Variants in PTPN14 observed in about 807,000 individuals in gnomAD.
PTPN14 encodes the protein tyrosine-protein phosphatase non-receptor type 14.
A neutral mutation model predicts 126.8 loss-of-function variants in PTPN14; 53 were observed. The observed-to-expected ratio is 0.42, with a 90% CI of 0.34 to 0.53. The LOEUF is 0.53. PTPN14 is among the 20% of genes least tolerant of loss of function. PTPN14 has a pLI of 0.08. For synonymous variants in PTPN14, 630 were observed against 599.3 expected (o/e 1.05, Z -0.75); for missense variants, 1,257 against 1,552.9 (o/e 0.81, Z 3.20).
intron 3 of PTPN14, among the ~76,000 whole-genome samples, chr1:214,440,176 G>A (rs1259389862): frequency 6.6e-6 from 1 of 152,184 alleles, no homozygotes; most frequent in Non-Finnish European, 1.5e-5. Flanking sequence ...ACAGCTGTGT[G>A]ACTATGGGCA....
chr1:214,450,281 G>A lies in PTPN14; in HGVS notation c.344+1524C>T, dbSNP rs373207083. On this transcript the variant is annotated intron_variant, in intron 3 of 18. Coordinates refer to ENST00000366956, the MANE Select transcript of PTPN14 (RefSeq NM_005401.5). ...GAGGTCAGGAGTTCGAGACCAGCCT[G>A]GCCAACATGGTGAAACCCCGTCTCT... Among the ~76,000 whole-genome samples the A allele has an allele frequency of 7.1e-4, 108 of 151,904 alleles. 3 individuals carry two copies. In the East Asian group the frequency reaches 0.02, roughly 28 times the overall value.
intron 3 of PTPN14, among the ~76,000 whole-genome samples, chr1:214,424,070 A>C (rs887716059): frequency 1.3e-5 from 2 of 151,684 alleles, no homozygotes; most frequent in African/African-American, 4.8e-5. Flanking sequence ...GCCTGAGGCA[A>C]GTGGATCACA....
intron 1 of PTPN14, among the ~76,000 whole-genome samples, chr1:214,508,591 C>A (rs1654897274): frequency 6.6e-6 from 1 of 152,174 alleles, no homozygotes; most frequent in Non-Finnish European, 1.5e-5. Context: ...TCAATGTCTT[C>A]CAAACTCCTG....
At chr1:214,405,212 C>T (rs546269786) in intron 5 of PTPN14, among the ~76,000 whole-genome samples, 1 of 152,282 alleles carries the variant, frequency 6.6e-6, no homozygotes, top group African/African-American at 2.4e-5. Context: ...ATAGGGCTCT[C>T]CTCTCTCCCC....
rs1308653307 is a variant in PTPN14, at chr1:214,414,655, A to C, written c.416T>G (p.Ile139Ser). The change falls in exon 4 of 19, where the codon ATT (isoleucine) becomes AGT (serine). Residue 139 changes from isoleucine to serine, a missense_variant. This residue lies in a region of PTPN14 where 1,021 missense variants were observed against 1,183.3 expected (regional missense o/e 0.86). Coordinates refer to ENST00000366956, the MANE Select transcript of PTPN14 (RefSeq NM_005401.5). ...GRLRCTLDQV[I>S]RLAGLAVQAD... ...TTGCACAGCTAGGCCGGCTAGCCGA[A>C]TCACCTGGTCCAATGTACATCGTAA... 1 of 1,614,088 alleles carries C rather than the reference A, an allele frequency of 6.2e-7. No homozygotes were observed. Among genetic ancestry groups the C allele is most frequent in the Non-Finnish European group, 8.5e-7 (1 of 1,179,926 alleles).
chr1:214,509,138 C>T (rs1392707378), intron 1 of PTPN14, among the ~76,000 whole-genome samples: 1 of 152,194 alleles, frequency 6.6e-6, no homozygotes, highest in Non-Finnish European at 1.5e-5. Context: ...GAAAGTCAGC[C>T]TGTCCCTTGA....
chr1:214,527,387 G>A (rs1416938074), intron 1 of PTPN14, among the ~76,000 whole-genome samples: 1 of 152,098 alleles, frequency 6.6e-6, no homozygotes, highest in Non-Finnish European at 1.5e-5. Context: ...TTCTCAAGGG[G>A]ACTCAGCTCA....
chr1:214,353,084 T>TC lies in PTPN14; in HGVS notation c.*4837dup, dbSNP rs1257765803. ...ACACATCCTAGAATGCCCTGTACCCTCCATCCCCCCAACCCCCGCACCTCA... is the reference window on the plus strand; with the variant it reads ...ACACATCCTAGAATGCCCTGTACCCTCCCATCCCCCCAACCCCCGCACCTCA... On this transcript the variant is annotated 3_prime_UTR_variant, in exon 19 of 19. Coordinates refer to ENST00000366956, the MANE Select transcript of PTPN14 (RefSeq NM_005401.5). The TC allele has an allele frequency of 6.6e-5, 10 of 152,046 alleles. No homozygotes were observed. Among genetic ancestry groups the TC allele is most frequent in the Non-Finnish European group, 1.5e-4 (10 of 67,994 alleles). 9.4% of individuals were successfully genotyped at this position (152,046 alleles called of 1,614,324 possible).
intron 3 of PTPN14, among the ~76,000 whole-genome samples, chr1:214,446,458 C>A (rs1660144170): frequency 6.6e-6 from 1 of 152,150 alleles, no homozygotes; most frequent in African/African-American, 2.4e-5. Context: ...AGATGAGACA[C>A]AGTATGTCAA....
intron 1 of PTPN14, among the ~76,000 whole-genome samples, chr1:214,546,759 T>C (rs1435999745): frequency 3.3e-5 from 5 of 152,256 alleles, no homozygotes; most frequent in South Asian, 2.1e-4. Context: ...GTCAAACTAA[T>C]TGACGAGGCT....
At chr1:214,456,451 T>C (rs115906043) in intron 2 of PTPN14, among the ~76,000 whole-genome samples, 61 of 152,356 alleles carry the variant, frequency 4.0e-4, no homozygotes, top group Non-Finnish European at 7.8e-4. Context: ...AATAAGCCAC[T>C]GTACATCAGT....
rs1015974878 is a variant in PTPN14, at chr1:214,438,378, G to A, written c.344+13427C>T. 1.1e-4 allele frequency among the ~76,000 whole-genome samples: 17 copies of A among 152,124 alleles called. 1 individual carries two copies. The highest frequency in any genetic ancestry group is 3.1e-4 in the African/African-American group (13 of 41,418). On this transcript the variant is annotated intron_variant, in intron 3 of 18. Transcript: ENST00000366956. ...CTGCAGCAGATCTGCTCCCTCATAT[G>A]GGACTGGAATGAGGGTGGGGAACCT...
chr1:214,458,772 A>C (rs1437423728), intron 2 of PTPN14, among the ~76,000 whole-genome samples: 2 of 152,132 alleles, frequency 1.3e-5, no homozygotes, highest in African/African-American at 4.8e-5. Context: ...CCATTGTTTT[A>C]GCTCTTTTTC....
chr1:214,468,284 G>A (rs1047081581), intron 1 of PTPN14, among the ~76,000 whole-genome samples: 2 of 152,020 alleles, frequency 1.3e-5, no homozygotes, highest in South Asian at 2.1e-4. Flanking sequence ...GGCTGGGTGC[G>A]GTGGCTCACG....
intron 15 of PTPN14, among the ~76,000 whole-genome samples, chr1:214,375,169 T>C (rs554830304): frequency 2.6e-5 from 4 of 152,178 alleles, no homozygotes; most frequent in Non-Finnish European, 5.9e-5. Flanking sequence ...TTAATAAAAA[T>C]AGTATATACC....
chr1:214,423,093 G>A (rs1460270684), intron 3 of PTPN14, among the ~76,000 whole-genome samples: 2 of 151,940 alleles, frequency 1.3e-5, no homozygotes, highest in Non-Finnish European at 2.9e-5. Flanking sequence ...AGACCAGCCT[G>A]GGCAACATGG....
chr1:214,378,384 A>G (rs1182283084), intron 13 of PTPN14, among the ~76,000 whole-genome samples: 1 of 152,262 alleles, frequency 6.6e-6, no homozygotes, highest in East Asian at 1.9e-4. Context: ...AGGGCAAAAC[A>G]AAACAAAACA....
intron 1 of PTPN14, among the ~76,000 whole-genome samples, chr1:214,542,107 A>G (rs1055292201): frequency 6.6e-6 from 1 of 152,116 alleles, no homozygotes; most frequent in African/African-American, 2.4e-5. Flanking sequence ...TACTACACAC[A>G]CACACATATA....
In PTPN14 at chr1:214,464,729, A is replaced by G. The variant is rs760983648; in HGVS notation, c.75T>C (p.Ile25=). The G allele has an allele frequency of 2.5e-6, 4 of 1,614,270 alleles. No homozygotes were observed. The South Asian group carries it at 3.3e-5, about 13-fold the overall frequency. The change falls in exon 2 of 19, where the codon ATT becomes ATC. Residue 25 remains isoleucine (I), a synonymous_variant. Transcript: ENST00000366956. ...CGATAACATTGCTGTCCAGCAGGCG[A>G]ATCCGTGTGACAAAGCAGTTCTTGC... ...VLSKNCFVTR[I]RLLDSNVIEC...
Sources: gnomAD v4.1 joint callset for allele counts (sites outside exome capture counted in the v4.1 genomes callset) on GRCh38, gnomAD v4.1.1 for gene constraint, gnomAD v4.1.1 regional missense constraint, MANE v1.5 for transcripts, NCBI Gene and HGNC (gene_info 2026-07-23, HGNC 2026-07-21) for gene names.